The following RIGI variants were observed in gnomAD, a reference collection of about 807,000 sequenced individuals.
The protein encoded by RIGI is antiviral innate immune response receptor RIG-I.
At chr9:32,524,371 C>G in the RIGI span, among the ~76,000 whole-genome samples, 2 of 152,020 alleles carry the variant, frequency 1.3e-5, no homozygotes, top group African/African-American at 4.8e-5. Context: ...GAATTCACAC[C>G]AGTTGTTAGT....
the RIGI span, among the ~76,000 whole-genome samples, chr9:32,495,652 C>T: frequency 6.8e-4 from 98 of 144,346 alleles, no homozygotes; most frequent in African/African-American, 2.4e-3. Flanking sequence ...CTATTCAAGT[C>T]CTTTGCCTTT....
At chr9:32,462,223 G>T in the RIGI span, among the ~76,000 whole-genome samples, 1 of 152,136 alleles carries the variant, frequency 6.6e-6, no homozygotes, top group Non-Finnish European at 1.5e-5. Flanking sequence ...TAAAGCATTT[G>T]CAGGGACTGT....
At chr9:32,482,767 G>A in the RIGI span, among the ~76,000 whole-genome samples, 13 of 152,090 alleles carry the variant, frequency 8.5e-5, no homozygotes, top group African/African-American at 2.9e-4. Flanking sequence ...ACTGAGGCAG[G>A]AGAATCGCTT....
the RIGI span, chr9:32,467,920 G>A: frequency 3.7e-5 from 59 of 1,591,298 alleles, no homozygotes; most frequent in Middle Eastern, 3.3e-4. Flanking sequence ...CTTCTGTGCC[G>A]GGAGGGTCAT....
chr9:32,470,449 G>C, the RIGI span, among the ~76,000 whole-genome samples: 1 of 152,156 alleles, frequency 6.6e-6, no homozygotes, highest in Non-Finnish European at 1.5e-5. Context: ...CCCCCAAAAA[G>C]TTATTTTATA....
the RIGI span, chr9:32,487,926 C>T: frequency 2.4e-5 from 39 of 1,611,734 alleles, no homozygotes; most frequent in Middle Eastern, 5.0e-4. Flanking sequence ...CTGAAGCATT[C>T]GTCTGACTTT....
chr9:32,518,483 C>T, the RIGI span, among the ~76,000 whole-genome samples: 1 of 151,856 alleles, frequency 6.6e-6, no homozygotes, highest in South Asian at 2.1e-4. Flanking sequence ...TAGTTTCTTT[C>T]CTATTTCTTT....
At chr9:32,512,802 A>G in the RIGI span, among the ~76,000 whole-genome samples, 1 of 152,148 alleles carries the variant, frequency 6.6e-6, no homozygotes, top group Non-Finnish European at 1.5e-5. Flanking sequence ...AGATGACATG[A>G]TTGTATATCT....
At chr9:32,482,582 C>T in the RIGI span, among the ~76,000 whole-genome samples, 75 of 152,228 alleles carry the variant, frequency 4.9e-4, no homozygotes, top group African/African-American at 1.8e-3. Context: ...GGAGATTGGC[C>T]GGCCGCAGTG....
chr9:32,500,973 G>A, the RIGI span: 5 of 1,608,256 alleles, frequency 3.1e-6, no homozygotes, highest in East Asian at 8.9e-5. Flanking sequence ...TCATCAAACT[G>A]CAGAACTATT....
At chr9:32,504,593 G>T in the RIGI span, among the ~76,000 whole-genome samples, 1 of 151,272 alleles carries the variant, frequency 6.6e-6, no homozygotes, top group Non-Finnish European at 1.5e-5. Context: ...CAGGAGAATC[G>T]CTTGAACCCC....
the RIGI span, chr9:32,489,278 G>A: frequency 1.8e-6 from 2 of 1,134,114 alleles, no homozygotes; most frequent in Non-Finnish European, 2.6e-6. Flanking sequence ...TTCTGTCCCA[G>A]TATTCAACAA....
At chr9:32,459,228 C>A in the RIGI span, 1 of 1,021,718 alleles carries the variant, frequency 9.8e-7, no homozygotes, top group Non-Finnish European at 1.4e-6. Context: ...ATTTTTTTTT[C>A]ACTTCTTAGC....
At chr9:32,493,523 C>A in the RIGI span, among the ~76,000 whole-genome samples, 1 of 151,576 alleles carries the variant, frequency 6.6e-6, no homozygotes, top group South Asian at 2.1e-4. Context: ...ACTCGAGAGG[C>A]GAGGCAGGAG....
chr9:32,463,889 C>CTTTTTTTTTTTTTTTTTTTTTTT, the RIGI span, among the ~76,000 whole-genome samples: 6 of 135,800 alleles, frequency 4.4e-5, 1 homozygote, highest in East Asian at 2.4e-4. Context: ...ATTCTGATTT[C>CTTTTTTTTTTTTTTTTTTTTTTT]AAATAAACCT....
At chr9:32,467,642 C>A in the RIGI span, 6 of 943,324 alleles carry the variant, frequency 6.4e-6, no homozygotes, top group East Asian at 1.6e-4. Flanking sequence ...CCAAAGTGCA[C>A]TGTGCCATTG....
chr9:32,490,817 G>A, the RIGI span, among the ~76,000 whole-genome samples: 1 of 152,212 alleles, frequency 6.6e-6, no homozygotes, highest in Non-Finnish European at 1.5e-5. Context: ...TCAGTGCACT[G>A]TGTTGCAAAC....
chr9:32,465,377 AT>A, the RIGI span, among the ~76,000 whole-genome samples: 5 of 152,230 alleles, frequency 3.3e-5, no homozygotes, highest in Non-Finnish European at 7.3e-5. Context: ...CACAGAGATT[AT>A]GACTTTTTAA....
chr9:32,505,807 T>C, the RIGI span, among the ~76,000 whole-genome samples: 1 of 152,250 alleles, frequency 6.6e-6, no homozygotes, highest in Non-Finnish European at 1.5e-5. Flanking sequence ...TGTATTCCTT[T>C]AACACGAAAC....
Sources: allele counts gnomAD v4.1 joint callset (sites outside exome capture counted in the v4.1 genomes callset), GRCh38; gene constraint gnomAD v4.1.1; transcripts MANE v1.5; gene names NCBI Gene and HGNC (gene_info 2026-07-23, HGNC 2026-07-21).